Variants in AFTPH observed in about 807,000 individuals in gnomAD.
The protein encoded by AFTPH is aftiphilin protein.
A neutral mutation model predicts 72.5 loss-of-function variants in AFTPH; 7 were observed. The ratio of observed to expected loss-of-function variants is 0.10; its 90% CI spans 0.05 to 0.18. The LOEUF is 0.18. Ranked by LOEUF, AFTPH falls within the 10% of genes least tolerant of loss-of-function variation. The pLI is 1.00. For synonymous variants in AFTPH, 337 were observed against 370.1 expected (o/e 0.91, Z 1.03); for missense variants, 979 against 1,060.5 (o/e 0.92, Z 1.07).
intron 1 of AFTPH, among the ~76,000 whole-genome samples, chr2:64,537,917 G>C (rs1026775005): frequency 2.0e-5 from 3 of 152,128 alleles, no homozygotes; most frequent in African/African-American, 7.2e-5. Flanking sequence ...CCCTCCTCTT[G>C]TATGCTAGAA....
At chr2:64,551,295 A>ACAT (rs1050480241) in intron 1 of AFTPH, 148 bp from the exon 2 acceptor site, 5 of 614,162 alleles carry the variant, frequency 8.1e-6, no homozygotes, top group African/African-American at 7.4e-5. Context: ...AAGATACAAA[A>ACAT]CATCATGCAG....
chr2:64,559,731 G>A (rs895202311), intron 2 of AFTPH, among the ~76,000 whole-genome samples: 1 of 152,092 alleles, frequency 6.6e-6, no homozygotes, highest in East Asian at 1.9e-4. Flanking sequence ...TTGAGACAGG[G>A]TCCCATTCCG....
At position 64,526,591 on chromosome 2, in the gene AFTPH, C is replaced by T. The variant is rs571222351; in HGVS notation, c.-33+1979C>T. Among the ~76,000 whole-genome samples, 492 of 152,224 alleles carry T rather than the reference C, an allele frequency of 3.2e-3. 1 individual carries two copies. The highest frequency in any genetic ancestry group is 6.8e-3 in the Middle Eastern group (2 of 294). Reference sequence around the variant, plus strand: ...TTCCTTTTTAAGTAGAATAGTGAACCTTTCTAGCCGGAACTTTATAAGTAT... The same window carrying T: ...TTCCTTTTTAAGTAGAATAGTGAACTTTTCTAGCCGGAACTTTATAAGTAT... On this transcript the variant is annotated intron_variant, in intron 1 of 8. Transcript: ENST00000238856.
At chr2:64,530,635 G>A (rs756392533) in intron 1 of AFTPH, among the ~76,000 whole-genome samples, 1 of 151,976 alleles carries the variant, frequency 6.6e-6, no homozygotes, top group Non-Finnish European at 1.5e-5. Flanking sequence ...TTAATATTTT[G>A]GTTTTCTTCC....
chr2:64,565,922 G>T (rs949946407), intron 2 of AFTPH, among the ~76,000 whole-genome samples: 2 of 152,206 alleles, frequency 1.3e-5, no homozygotes, highest in South Asian at 2.1e-4. Context: ...GCAGTTATGT[G>T]TAACATTGCC....
intron 7 of AFTPH, among the ~76,000 whole-genome samples, chr2:64,583,547 C>T (rs1432444878): frequency 6.6e-6 from 1 of 152,018 alleles, no homozygotes; most frequent in Non-Finnish European, 1.5e-5. Context: ...TACCTATTGC[C>T]AGTCAGAATG....
At chr2:64,555,493 GGA>G (rs1671296562) in intron 2 of AFTPH, among the ~76,000 whole-genome samples, 3 of 150,202 alleles carry the variant, frequency 2.0e-5, no homozygotes, top group Admixed American at 1.3e-4. Context: ...CCCAGCAGGT[GGA>G]GGTTGCAGTG....
At chr2:64,569,044 A>G in intron 3 of AFTPH, 48 bp from the exon 4 acceptor site, 1 of 1,611,022 alleles carries the variant, frequency 6.2e-7, no homozygotes, top group Non-Finnish European at 8.5e-7. Context: ...CTCATGGTGA[A>G]AGTTATTGAG....
intron 1 of AFTPH, among the ~76,000 whole-genome samples, chr2:64,550,677 G>GCACGCA (rs1553398382): frequency 8.4e-5 from 11 of 130,232 alleles, no homozygotes; most frequent in East Asian, 7.0e-4. Flanking sequence ...CTGTACGCAT[G>GCACGCA]CACACACACA....
At position 64,527,665 on chromosome 2, in the gene AFTPH, TA is replaced by T. The variant is rs1228833389; in HGVS notation, c.-33+3060del. 2.6e-5 allele frequency among the ~76,000 whole-genome samples: 4 copies of T among 152,308 alleles called. No individual in the cohort carries two copies. The East Asian group carries it at 5.8e-4, about 22-fold the overall frequency. Reference sequence around the variant, plus strand: ...CACTCTTCTTTCAGCATTGTATATTTAAAAAAAGGACAGGAAAGGAGTTAGT... The same window carrying T: ...CACTCTTCTTTCAGCATTGTATATTTAAAAAAGGACAGGAAAGGAGTTAGT... On this transcript the variant is annotated intron_variant, in intron 1 of 8. Transcript: ENST00000238856.
chr2:64,537,552 T>C (rs1169091848), intron 1 of AFTPH, among the ~76,000 whole-genome samples: 1 of 152,204 alleles, frequency 6.6e-6, no homozygotes, highest in African/African-American at 2.4e-5. Flanking sequence ...AACTTTTACA[T>C]TGTAGATACT....
At chr2:64,576,898 G>T (rs1672842666) in intron 6 of AFTPH, among the ~76,000 whole-genome samples, 1 of 143,754 alleles carries the variant, frequency 7.0e-6, no homozygotes, top group Non-Finnish European at 1.5e-5. Context: ...AGCTGGGATT[G>T]CAGGCACCTG....
intron 1 of AFTPH, among the ~76,000 whole-genome samples, chr2:64,545,474 T>G (rs1670525157): frequency 6.8e-6 from 1 of 147,450 alleles, no homozygotes; most frequent in Non-Finnish European, 1.5e-5. Context: ...CATATGCAGT[T>G]TATAATAGTA....
At chr2:64,548,586 G>A (rs533455069) in intron 1 of AFTPH, among the ~76,000 whole-genome samples, 2 of 152,128 alleles carry the variant, frequency 1.3e-5, no homozygotes, top group East Asian at 3.9e-4. Flanking sequence ...CTTCTGGAAG[G>A]CTTGTAACAA....
At chr2:64,546,276 T>C (rs1168368631) in intron 1 of AFTPH, among the ~76,000 whole-genome samples, 3 of 152,148 alleles carry the variant, frequency 2.0e-5, no homozygotes, top group Admixed American at 6.5e-5. Flanking sequence ...ATGGTAAATT[T>C]TATATTATGT....
chr2:64,578,720 G>C (rs1219970508), intron 6 of AFTPH, among the ~76,000 whole-genome samples: 1 of 119,228 alleles, frequency 8.4e-6, no homozygotes, highest in Non-Finnish European at 1.7e-5. Flanking sequence ...ACCATGCCTG[G>C]CTAATTTTTT....
intron 4 of AFTPH, 100 bp downstream of exon 4, chr2:64,569,318 AAAAT>A (rs1672276444): frequency 2.1e-6 from 3 of 1,422,860 alleles, no homozygotes; most frequent in Non-Finnish European, 2.8e-6. Flanking sequence ...AGTTCCTCAG[AAAAT>A]AAATATTTGG....
At chr2:64,536,209 G>A (rs1669876558) in intron 1 of AFTPH, among the ~76,000 whole-genome samples, 1 of 152,104 alleles carries the variant, frequency 6.6e-6, no homozygotes, top group Non-Finnish European at 1.5e-5. Flanking sequence ...AGACATATAG[G>A]TAAGGTTTGA....
At chr2:64,579,729 G>A in intron 7 of AFTPH, 183 bp downstream of exon 7, 2 of 489,800 alleles carry the variant, frequency 4.1e-6, no homozygotes, top group Admixed American at 3.6e-5. Context: ...ATTATCAACA[G>A]TATTAATGTC....
Sources: gnomAD v4.1 joint callset for allele counts (sites outside exome capture counted in the v4.1 genomes callset) on GRCh38, gnomAD v4.1.1 for gene constraint, MANE v1.5 for transcripts, NCBI Gene and HGNC (gene_info 2026-07-23, HGNC 2026-07-21) for gene names.